SUGCT: variants seen among roughly 807,000 people sequenced by gnomAD.
The protein encoded by SUGCT is succinyl-CoA:glutarate CoA-transferase.
Under a neutral mutation model 55.0 loss-of-function variants are expected in SUGCT, and 41 were observed. The ratio of observed to expected loss-of-function variants is 0.74; its 90% CI spans 0.58 to 0.97. SUGCT has a LOEUF of 0.97. Among genes scored for constraint, SUGCT ranks in the 50% least tolerant of loss-of-function variants. The pLI is 0.00. For synonymous variants in SUGCT, 187 were observed against 200.4 expected, an observed-to-expected ratio of 0.93 and a Z score of 0.56; for missense variants, 568 against 547.8, an observed-to-expected ratio of 1.04 and a Z score of -0.37.
chr7:40,159,734 A>G (rs1445826321), intron 1 of SUGCT, among the ~76,000 whole-genome samples: 2 of 152,182 alleles, frequency 1.3e-5, no homozygotes, highest in Non-Finnish European at 2.9e-5. Flanking sequence ...GCAGGAGGTC[A>G]GAGAAAAACT....
At chr7:40,975,979 A>G in the SUGCT span, among the ~76,000 whole-genome samples, 1 of 152,160 alleles carries the variant, frequency 6.6e-6, no homozygotes, top group African/African-American at 2.4e-5. Context: ...CGTCTGTGTC[A>G]TCTAGTTCCA....
chr7:40,450,374 A>G (rs576832030), intron 10 of SUGCT, among the ~76,000 whole-genome samples: 38 of 151,354 alleles, frequency 2.5e-4, no homozygotes, highest in African/African-American at 8.7e-4. Flanking sequence ...TATTTTTCTT[A>G]AATATATCCA....
intron 13 of SUGCT, among the ~76,000 whole-genome samples, chr7:40,825,063 A>G (rs1014282122): frequency 7.9e-5 from 12 of 152,202 alleles, no homozygotes; most frequent in Middle Eastern, 3.2e-3. Context: ...ATGTGGTCCC[A>G]GGGTTAGTGT....
At chr7:40,987,355 G>A in the SUGCT span, among the ~76,000 whole-genome samples, 1 of 152,176 alleles carries the variant, frequency 6.6e-6, no homozygotes, top group East Asian at 1.9e-4. Flanking sequence ...GGAGACACCA[G>A]TAGTTTAAAG....
chr7:40,948,027 GAGA>G, the SUGCT span, among the ~76,000 whole-genome samples: 14 of 152,166 alleles, frequency 9.2e-5, no homozygotes, highest in Non-Finnish European at 1.3e-4. Flanking sequence ...TTTGATTATG[GAGA>G]AGAAGTAACT....
chr7:40,823,921 T>C lies in SUGCT; in HGVS notation c.1154-36395T>C, dbSNP rs552493030. Among the ~76,000 whole-genome samples, 13 of 152,244 alleles carry C rather than the reference T, an allele frequency of 8.5e-5. No homozygotes were observed. In the South Asian group the frequency reaches 2.5e-3, roughly 29 times the overall value. ...TGGTTTTAATCTTATTGCTAAATAA[T>C]AGCTAACGTTTAATGATTACCTAGT... On this transcript the variant is annotated intron_variant, in intron 13 of 13. Transcript: ENST00000335693.
chr7:40,211,027 A>G (rs553168937), intron 6 of SUGCT, among the ~76,000 whole-genome samples: 73 of 152,316 alleles, frequency 4.8e-4, no homozygotes, highest in Non-Finnish European at 9.6e-4. Flanking sequence ...CCCAGGCTGG[A>G]GGGCAGTGGT....
At chr7:40,809,421 T>A (rs1010812394) in intron 13 of SUGCT, among the ~76,000 whole-genome samples, 4 of 152,142 alleles carry the variant, frequency 2.6e-5, no homozygotes, top group Admixed American at 1.3e-4. Context: ...TACAAGTGTG[T>A]GTGTGTGCTC....
At chr7:40,567,711 C>T (rs1796222102) in intron 12 of SUGCT, among the ~76,000 whole-genome samples, 1 of 152,220 alleles carries the variant, frequency 6.6e-6, no homozygotes, top group African/African-American at 2.4e-5. Flanking sequence ...AACATTCTAA[C>T]ATGTCACAAG....
intron 9 of SUGCT, among the ~76,000 whole-genome samples, chr7:40,441,495 T>C (rs931156929): frequency 2.0e-5 from 3 of 152,166 alleles, no homozygotes; most frequent in Non-Finnish European, 2.9e-5. Flanking sequence ...CCAGTTTAAA[T>C]GAACTTAGAA....
At chr7:40,345,753 T>C (rs1169018784) in intron 9 of SUGCT, among the ~76,000 whole-genome samples, 1 of 152,170 alleles carries the variant, frequency 6.6e-6, no homozygotes, top group Non-Finnish European at 1.5e-5. Context: ...CTGATATTGA[T>C]AGAAAGTAAA....
intron 13 of SUGCT, among the ~76,000 whole-genome samples, chr7:40,795,927 T>C (rs1045861292): frequency 6.6e-6 from 1 of 152,134 alleles, no homozygotes; most frequent in Non-Finnish European, 1.5e-5. Context: ...AATAGGAACA[T>C]TTTGAATATG....
chr7:40,258,343 C>A (rs2150954990), intron 7 of SUGCT, among the ~76,000 whole-genome samples: 1 of 152,280 alleles, frequency 6.6e-6, no homozygotes, highest in South Asian at 2.1e-4. Flanking sequence ...TCTCTAACTT[C>A]AGTTTTTCCA....
intron 12 of SUGCT, among the ~76,000 whole-genome samples, chr7:40,604,981 G>A (rs1335475316): frequency 1.3e-5 from 2 of 152,342 alleles, no homozygotes; most frequent in South Asian, 2.1e-4. Context: ...CTGCCAGCCC[G>A]CTTTGATGGC....
chr7:40,540,067 A>G lies in SUGCT; in HGVS notation c.1089+43681A>G, dbSNP rs79574459. On this transcript the variant is annotated intron_variant, in intron 12 of 13. Transcript: ENST00000335693. ...TAGTTGGGACTAAAACATAGAACCA[A>G]ATGTTTAAAATGTTTTTGTCACTAC... Among the ~76,000 whole-genome samples, 459 of 152,304 alleles carry G rather than the reference A, an allele frequency of 3.0e-3. 7 individuals carry two copies. Among genetic ancestry groups the G allele is most frequent in the East Asian group, 0.03 (154 of 5,186 alleles).
chr7:40,509,112 T>C (rs1379439648), intron 12 of SUGCT, among the ~76,000 whole-genome samples: 2 of 152,116 alleles, frequency 1.3e-5, no homozygotes, highest in Admixed American at 1.3e-4. Flanking sequence ...ACAAAGTCCG[T>C]TGATTTCTAG....
intron 6 of SUGCT, among the ~76,000 whole-genome samples, chr7:40,222,882 C>G (rs1346475601): frequency 6.6e-6 from 1 of 152,124 alleles, no homozygotes; most frequent in African/African-American, 2.4e-5. Context: ...CCTGCCTAAG[C>G]CTCCCTAAGT....
At chr7:40,456,965 G>C (rs574429860) in intron 10 of SUGCT, among the ~76,000 whole-genome samples, 1 of 152,184 alleles carries the variant, frequency 6.6e-6, no homozygotes, top group East Asian at 1.9e-4. Flanking sequence ...TTAGATGATA[G>C]GCATGTTAAA....
intron 12 of SUGCT, among the ~76,000 whole-genome samples, chr7:40,734,006 G>A (rs1243042372): frequency 6.6e-6 from 1 of 152,158 alleles, no homozygotes; most frequent in African/African-American, 2.4e-5. Context: ...TCATATTCTT[G>A]TGGACTTACT....
Sources: gnomAD v4.1 joint callset for allele counts (sites outside exome capture counted in the v4.1 genomes callset) on GRCh38, gnomAD v4.1.1 for gene constraint, MANE v1.5 for transcripts, NCBI Gene and HGNC (gene_info 2026-07-23, HGNC 2026-07-21) for gene names.